The following CCDC27 variants were observed in gnomAD, a reference collection of about 807,000 sequenced individuals.
CCDC27 encodes the protein coiled-coil domain-containing protein 27.
In CCDC27, 80 loss-of-function variants were observed where a neutral mutation model predicts 80.3. That is an observed-to-expected ratio of 1.00 (90% CI 0.83 to 1.20). The LOEUF (loss-of-function observed/expected upper bound fraction) is 1.20. CCDC27 is among the 50% of genes most tolerant of loss of function. The pLI, the probability that CCDC27 is intolerant of heterozygous loss-of-function variation, is 0.00. For missense variants in CCDC27, 815 were observed against 809.4 expected, an observed-to-expected ratio of 1.01 and a Z score of -0.08; for synonymous variants, 342 against 334.3, an observed-to-expected ratio of 1.02 and a Z score of -0.25.
chr1:3,764,562 T>C (rs911956335), intron 8 of CCDC27, among the ~76,000 whole-genome samples: 5 of 152,224 alleles, frequency 3.3e-5, no homozygotes, highest in African/African-American at 1.2e-4. Context: ...CAATCAATGT[T>C]GCACTGACAT....
rs891782683 is a variant in CCDC27 at position 3,763,038 on chromosome 1, G to A, written c.955-70G>A. 2.8e-5 allele frequency: 40 copies of A among 1,431,928 alleles called. No homozygotes were observed. Among genetic ancestry groups the A allele is most frequent in the African/African-American group, 1.6e-4 (11 of 69,276 alleles). The allele number at this position is 1,431,928 out of a possible 1,614,324, so 88.7% of individuals were successfully genotyped here. On this transcript the variant is annotated intron_variant, in intron 6 of 11. Coordinates refer to ENST00000294600, the MANE Select transcript of CCDC27 (RefSeq NM_152492.3). This position sits in a 1 kb window ranked among gnomAD's most constrained non-coding sequence, Gnocchi z 7.5. ...GCGCCCTCCCCGGTGCCCCCGCCAT[G>A]AGCATTAGAGCCCTCTGCCCTGGGG...
In CCDC27 at chr1:3,752,657, T is replaced by C. The variant is rs761751471; in HGVS notation, c.176T>C (p.Met59Thr). ...AGCCCATCTCAGAGGCACAGTTCGA[T>C]GTCCAGCTCGATGGCCAGGGCCCTG... The part of the protein sequence containing the change: ...EASPSQRHSS[M>T]SSSMARALVL... Residue 59 changes from methionine to threonine, a missense_variant, in exon 1 of 12, where the codon ATG becomes ACG. Coordinates refer to ENST00000294600, the MANE Select transcript of CCDC27 (RefSeq NM_152492.3). 1.4e-5 allele frequency: 22 copies of C among 1,613,984 alleles called. No individual in the cohort carries two copies. Among genetic ancestry groups the C allele is most frequent in the African/African-American group, 1.3e-5 (1 of 74,956 alleles).
In CCDC27 at chr1:3,771,426, A is replaced by G. The variant is rs1643360543; in HGVS notation, c.1874A>G (p.Tyr625Cys). The G allele has an allele frequency of 1.9e-6, 3 of 1,613,938 alleles. No individual in the cohort carries two copies. Among genetic ancestry groups the G allele is most frequent in the Non-Finnish European group, 2.5e-6 (3 of 1,180,004 alleles). ...LQRIISERSD[Y>C]YNQLKQKGVK... ...AGAATTATCTCAGAGAGAAGCGACT[A>G]CTATAATCAGCTGAAGCAGAAAGGC... The change falls in exon 12 of 12, where the codon TAC (tyrosine) becomes TGC (cysteine). Residue 625 changes from tyrosine to cysteine, a missense_variant. Tyr to Cys is a radical substitution (Grantham distance 194). Transcript: ENST00000294600.
chr1:3,754,289 G>T lies in CCDC27; in HGVS notation c.442+48G>T, dbSNP rs201207001. ...GCCTGTGAAACTGCCTGTCAGAGTC[G>T]AGGGGCCGGGGGAGGCCTTCCTGCA... is the stretch of plus-strand genomic sequence containing the variant. On this transcript the variant is annotated intron_variant, in intron 2 of 11. Coordinates refer to ENST00000294600, the MANE Select transcript of CCDC27 (RefSeq NM_152492.3). 299 of 1,527,114 alleles carry T rather than the reference G, an allele frequency of 2.0e-4. 6 individuals carry two copies. In the African/African-American group the frequency reaches 4.0e-3, roughly 21 times the overall value. The allele number at this position is 1,527,114 out of a possible 1,614,324, so 94.6% of individuals were successfully genotyped here.
At chr1:3,757,016 A>G in intron 4 of CCDC27, 126 bp downstream of exon 4, 2 of 1,118,400 alleles carry the variant, frequency 1.8e-6, no homozygotes, top group Non-Finnish European at 2.5e-6. Flanking sequence ...GCAGGTCCCC[A>G]TGGCCTAAAA....
chr1:3,753,235 C>G (rs920453064), intron 1 of CCDC27, among the ~76,000 whole-genome samples: 2 of 152,058 alleles, frequency 1.3e-5, no homozygotes, highest in Admixed American at 6.6e-5. Context: ...TGGGGGAGCC[C>G]GAGATGGTCA....
chr1:3,764,424 G>T lies in CCDC27; in HGVS notation c.1452+588G>T, dbSNP rs563218945. Among the ~76,000 whole-genome samples the T allele has an allele frequency of 4.6e-5, 7 of 151,904 alleles. No individual in the cohort carries two copies. The South Asian group carries it at 1.5e-3, about 32-fold the overall frequency. Reference sequence around the variant, plus strand: ...AATCTCTAAATAGCATGCTCATAGTGGCCATTCTAGATTGTTCTCCATCTT... The same window carrying T: ...AATCTCTAAATAGCATGCTCATAGTTGCCATTCTAGATTGTTCTCCATCTT... On this transcript the variant is annotated intron_variant, in intron 8 of 11. Transcript: ENST00000294600.
In CCDC27 at chr1:3,769,555, C is replaced by A. The variant is rs893543932; in HGVS notation, c.1744-228C>A. 6.6e-6 allele frequency among the ~76,000 whole-genome samples: 1 copy of A among 152,100 alleles called. No individual in the cohort carries two copies. Among genetic ancestry groups the A allele is most frequent in the Non-Finnish European group, 1.5e-5 (1 of 68,014 alleles). ...CACCTGGTGTAGGAGAGTCTTTGGG[C>A]TTTGGGGCTGGGCCGCACAGGGTCA... On this transcript the variant is annotated intron_variant, in intron 10 of 11. Coordinates refer to ENST00000294600, the MANE Select transcript of CCDC27 (RefSeq NM_152492.3). The surrounding 1 kb of genome is among the most constrained non-coding windows in gnomAD (Gnocchi z 4.6).
intron 8 of CCDC27, among the ~76,000 whole-genome samples, chr1:3,764,792 T>C (rs1304012631): frequency 6.6e-6 from 1 of 152,050 alleles, no homozygotes; most frequent in Non-Finnish European, 1.5e-5. Context: ...TCCCAGCACT[T>C]TGGGAGGCTG....
chr1:3,752,919 T>C (rs1335720090), intron 1 of CCDC27, 120 bp downstream of exon 1: 33 of 1,152,872 alleles, frequency 2.9e-5, no homozygotes, highest in Non-Finnish European at 3.5e-5. Context: ...GGTGATGGGT[T>C]ACCAAAGGGG....
At position 3,764,000 on chromosome 1, in the gene CCDC27, C is replaced by A. The variant is rs974191605; in HGVS notation, c.1452+164C>A. Among the ~76,000 whole-genome samples the A allele has an allele frequency of 6.6e-6, 1 of 152,134 alleles. No individual in the cohort carries two copies. The highest frequency in any genetic ancestry group is 2.4e-5 in the African/African-American group (1 of 41,436). On this transcript the variant is annotated intron_variant, in intron 8 of 11. Coordinates refer to ENST00000294600, the MANE Select transcript of CCDC27 (RefSeq NM_152492.3). The surrounding 1 kb of genome is among the most constrained non-coding windows in gnomAD (Gnocchi z 7.5). ...CCAGGGTTGTGCGGCTGATAGCGGCCCCGCTAGGATTCCCCAAGGTGTGTG... is the reference window on the plus strand; with the variant it reads ...CCAGGGTTGTGCGGCTGATAGCGGCACCGCTAGGATTCCCCAAGGTGTGTG...
intron 4 of CCDC27, among the ~76,000 whole-genome samples, chr1:3,759,401 A>AG (rs1643035279): frequency 2.6e-5 from 4 of 152,236 alleles, no homozygotes; most frequent in Admixed American, 2.6e-4. Flanking sequence ...CAGCTTGGGC[A>AG]GGGTGGGGAC....
Position 3,755,479 on chromosome 1 carries a change from G to C in CCDC27, c.465G>C (p.Leu155Phe). ...CAGGTTCACCCACTGAGGCCGATTT[G>C]TCCGGAGAGATTGACAACAGCTCGG... Reference protein sequence around the residue: ...SHCGSPTEADLSGEIDNSSET... With the variant: ...SHCGSPTEADFSGEIDNSSET... Residue 155 changes from leucine (L) to phenylalanine (F), a missense_variant, in exon 3 of 12, where the codon TTG becomes TTC. Transcript: ENST00000294600. 2 of 1,614,172 alleles carry C rather than the reference G, an allele frequency of 1.2e-6. No homozygotes were observed.
intron 8 of CCDC27, among the ~76,000 whole-genome samples, chr1:3,765,849 TTTC>T (rs1290002130): frequency 6.8e-6 from 1 of 147,240 alleles, no homozygotes; most frequent in Admixed American, 6.8e-5. Context: ...TAATGGAGAG[TTTC>T]TTTTCTTTTC....
rs2124596887 is a variant in CCDC27, at chr1:3,766,508, C to T, written c.1453-27C>T. The T allele has an allele frequency of 5.1e-6, 8 of 1,581,678 alleles. No individual in the cohort carries two copies. The East Asian group carries it at 1.6e-4, about 31-fold the overall frequency. ...CTGTTATCTAAACCTGGGAGTCCCC[C>T]AAGCCAACCCTTCTGTCTCCTTCCA... On this transcript the variant is annotated intron_variant, in intron 8 of 11. Transcript: ENST00000294600. The surrounding 1 kb of genome is among the most constrained non-coding windows in gnomAD (Gnocchi z 6.1).
At chr1:3,757,465 G>C (rs889954392) in intron 4 of CCDC27, among the ~76,000 whole-genome samples, 1 of 151,142 alleles carries the variant, frequency 6.6e-6, no homozygotes, top group Non-Finnish European at 1.5e-5. Context: ...TTTTGAGACA[G>C]GGTCTCACTC....
At chr1:3,770,659 G>A (rs767485921) in intron 11 of CCDC27, among the ~76,000 whole-genome samples, 9 of 152,204 alleles carry the variant, frequency 5.9e-5, no homozygotes, top group Non-Finnish European at 1.0e-4. Context: ...ACCCCAGTGT[G>A]TGCCCCTGAC....
rs1643165004 is a variant in CCDC27 at position 3,763,985 on chromosome 1, G to A, written c.1452+149G>A. 7.6e-7 allele frequency: 1 copy of A among 1,312,272 alleles called. No individual in the cohort carries two copies. The highest frequency in any genetic ancestry group is 1.0e-6 in the Non-Finnish European group (1 of 980,800). 81.3% of individuals were successfully genotyped at this position (1,312,272 alleles called of 1,614,324 possible). A position where few individuals can be genotyped will look rare whatever the true frequency, so the allele number is the denominator to read the frequency against. On this transcript the variant is annotated intron_variant, in intron 8 of 11. Coordinates refer to ENST00000294600, the MANE Select transcript of CCDC27 (RefSeq NM_152492.3). This position sits in a 1 kb window ranked among gnomAD's most constrained non-coding sequence, Gnocchi z 7.5. ...GTCCAGGCAGCTGGCCCAGGGTTGT[G>A]CGGCTGATAGCGGCCCCGCTAGGAT...
In CCDC27 at chr1:3,761,755, C is replaced by G. The variant is rs1396882342; in HGVS notation, c.861+325C>G. Among the ~76,000 whole-genome samples, 1 of 152,150 alleles carries G rather than the reference C, an allele frequency of 6.6e-6. No homozygotes were observed. The highest frequency in any genetic ancestry group is 2.4e-5 in the African/African-American group (1 of 41,424). On this transcript the variant is annotated intron_variant, in intron 5 of 11. Transcript: ENST00000294600. This position sits in a 1 kb window ranked among gnomAD's most constrained non-coding sequence, Gnocchi z 5.0. ...CTTCTGACTTGCTTTCTGAATGGGGCAAGGCACAACGCTGTCGGGGCTCAG... is the reference window on the plus strand; with the variant it reads ...CTTCTGACTTGCTTTCTGAATGGGGGAAGGCACAACGCTGTCGGGGCTCAG...
Sources: allele counts gnomAD v4.1 joint callset (sites outside exome capture counted in the v4.1 genomes callset), GRCh38; gene constraint gnomAD v4.1.1; non-coding constraint Gnocchi (gnomAD v3.1); transcripts MANE v1.5; gene names NCBI Gene and HGNC (gene_info 2026-07-23, HGNC 2026-07-21).